The following SKP1 variants were observed in gnomAD, a reference collection of about 807,000 sequenced individuals.
SKP1 encodes S-phase kinase-associated protein 1.
In SKP1, 1 loss-of-function variant was observed where a neutral mutation model predicts 21.5. The ratio of observed to expected loss-of-function variants is 0.05; its 90% CI spans 0.02 to 0.22. The LOEUF (loss-of-function observed/expected upper bound fraction) is 0.22, where lower values mean the gene tolerates loss of function less well. Among genes scored for constraint, SKP1 ranks in the 10% least tolerant of loss-of-function variants. SKP1 has a pLI of 1.00. For synonymous variants in SKP1, 59 were observed against 59.3 expected (o/e 0.99, Z 0.03); for missense variants, 70 against 192.0 (o/e 0.36, Z 3.76).
rs762556466 is a variant in SKP1 at position 134,161,991 on chromosome 5, A to T, written c.172-861T>A. The T allele has an allele frequency of 1.1e-4, 17 of 152,136 alleles. 1 individual carries two copies. Among genetic ancestry groups the T allele is most frequent in the Admixed American group, 1.1e-3 (17 of 15,278 alleles). 9.4% of individuals were successfully genotyped at this position (152,136 alleles called of 1,614,324 possible). On this transcript the variant is annotated intron_variant, in intron 3 of 5. Coordinates refer to ENST00000353411, the MANE Select transcript of SKP1 (RefSeq NM_170679.3). ...TTCTGTATGGCTAAAACTTTTTCAT[A>T]GCAAAATGTTGGAGGAGTAAACAAT... is the stretch of plus-strand genomic sequence containing the variant.
chr5:134,160,809 T>C (rs987251036), intron 4 of SKP1, among the ~76,000 whole-genome samples, 178 bp downstream of exon 4: 1 of 152,232 alleles, frequency 6.6e-6, no homozygotes, highest in Non-Finnish European at 1.5e-5. Flanking sequence ...ATTTCTGCCT[T>C]TTAACTGTGT....
At chr5:134,157,900 AG>A (rs1761148371) in intron 5 of SKP1, 132 bp from the exon 6 acceptor site, 2 of 1,583,680 alleles carry the variant, frequency 1.3e-6, no homozygotes, top group Non-Finnish European at 1.7e-6. Flanking sequence ...GAACAACACC[AG>A]GTTAAGACTA....
chr5:134,169,328 C>T (rs375152612), intron 2 of SKP1, among the ~76,000 whole-genome samples: 5 of 152,192 alleles, frequency 3.3e-5, no homozygotes, highest in Admixed American at 1.3e-4. Context: ...ATGCCTATCC[C>T]TGATCCTATC....
rs1761139098 is a variant in SKP1, at chr5:134,157,421, G to A, written c.*312C>T. 1 of 238,258 alleles carries A rather than the reference G, an allele frequency of 4.2e-6. No individual in the cohort carries two copies. The highest frequency in any genetic ancestry group is 5.2e-5 in the Admixed American group (1 of 19,270). 14.8% of individuals were successfully genotyped at this position (238,258 alleles called of 1,614,324 possible). ...TTTTAAAAGGTCACTAAAGTTAACT[G>A]GACAATAAACTAGGCAGACATTGCT... On this transcript the variant is annotated 3_prime_UTR_variant, in exon 6 of 6. Transcript: ENST00000353411.
chr5:134,162,777 C>A (rs1761243674), intron 3 of SKP1, among the ~76,000 whole-genome samples: 1 of 150,792 alleles, frequency 6.6e-6, no homozygotes, highest in East Asian at 1.9e-4. Context: ...CTTATCCAGG[C>A]ATTTTTTAAA....
chr5:134,172,058 A>C (rs1305724850), intron 2 of SKP1, among the ~76,000 whole-genome samples: 1 of 152,208 alleles, frequency 6.6e-6, no homozygotes, highest in Non-Finnish European at 1.5e-5. Context: ...AAAATAAATA[A>C]ATAAAAGAAA....
At chr5:134,158,101 T>A (rs953918055) in intron 5 of SKP1, 6 of 1,409,602 alleles carry the variant, frequency 4.3e-6, no homozygotes, top group Middle Eastern at 1.9e-4. Context: ...CCTCCCCTCA[T>A]TAAGTTGCTC....
At position 134,149,685 on chromosome 5, in the gene SKP1, T is replaced by TA. The variant is rs1761012442; in HGVS notation, c.*8047_*8048insT. The TA allele has an allele frequency of 1.3e-5, 2 of 152,224 alleles. No individual in the cohort carries two copies. The highest frequency in any genetic ancestry group is 2.9e-5 in the Non-Finnish European group (2 of 68,046). 9.4% of individuals were successfully genotyped at this position (152,224 alleles called of 1,614,324 possible). On this transcript the variant is annotated 3_prime_UTR_variant, in exon 6 of 6. Transcript: ENST00000353411. ...TTTTAAAGAATTCTGTTCTGGCTAC[T>TA]GGCCTAGTTGTTTAAAAAACCTACA...
chr5:134,156,581 G>A lies in SKP1; in HGVS notation c.*1152C>T, dbSNP rs746296753. 1 of 151,382 alleles carries A rather than the reference G, an allele frequency of 6.6e-6. No homozygotes were observed. The highest frequency in any genetic ancestry group is 1.5e-5 in the Non-Finnish European group (1 of 67,808). 9.4% of individuals were successfully genotyped at this position (151,382 alleles called of 1,614,324 possible). Reference sequence around the variant, plus strand: ...CAAGGAGAAAAAAAGGGAGCACAAGGAAGAAAAAAAAATCAAAATTTGTGA... The same window carrying A: ...CAAGGAGAAAAAAAGGGAGCACAAGAAAGAAAAAAAAATCAAAATTTGTGA... On this transcript the variant is annotated 3_prime_UTR_variant, in exon 6 of 6. Coordinates refer to ENST00000353411, the MANE Select transcript of SKP1 (RefSeq NM_170679.3).
At chr5:134,158,065 A>G in intron 5 of SKP1, 1 of 1,450,232 alleles carries the variant, frequency 6.9e-7, no homozygotes, top group Non-Finnish European at 9.1e-7. Flanking sequence ...ATGTCAACAA[A>G]ATCATTCTGA....
chr5:134,149,890 C>A lies in SKP1; in HGVS notation c.*7843G>T, dbSNP rs1761018991. The A allele has an allele frequency of 6.6e-6, 1 of 151,728 alleles. No homozygotes were observed. Among genetic ancestry groups the A allele is most frequent in the African/African-American group, 2.4e-5 (1 of 41,256 alleles). The allele number at this position is 151,728 out of a possible 1,614,324, so 9.4% of individuals were successfully genotyped here. ...CTGACTTCATAAAGGAAACTCAGAT[C>A]CTCCCAAATCACCCTGGTGCATTCC... On this transcript the variant is annotated 3_prime_UTR_variant, in exon 6 of 6. Transcript: ENST00000353411.
chr5:134,161,226 G>C (rs1185419236), intron 3 of SKP1, 96 bp from the exon 4 acceptor site: 1 of 1,097,888 alleles, frequency 9.1e-7, no homozygotes, highest in Non-Finnish European at 1.3e-6. Context: ...ATAATAACTA[G>C]CTAGAGGTTG....
chr5:134,151,837 ATCAC>A lies in SKP1; in HGVS notation c.*5892_*5895del. On this transcript the variant is annotated 3_prime_UTR_variant, in exon 6 of 6. Coordinates refer to ENST00000353411, the MANE Select transcript of SKP1 (RefSeq NM_170679.3). ...TACATTATCAATGAATTAGCCATCT[ATCAC>A]TCAAACTATGTCCCGCATTGGAAGT... 1 of 350,810 alleles carries A rather than the reference ATCAC, an allele frequency of 2.9e-6. No homozygotes were observed. Among genetic ancestry groups the A allele is most frequent in the South Asian group, 2.1e-5 (1 of 47,880 alleles). 21.7% of individuals were successfully genotyped at this position (350,810 alleles called of 1,614,324 possible).
chr5:134,157,619 T>C lies in SKP1; in HGVS notation c.*114A>G, dbSNP rs565934423. 41 of 917,902 alleles carry C rather than the reference T, an allele frequency of 4.5e-5. No homozygotes were observed. The highest frequency in any genetic ancestry group is 1.1e-4 in the South Asian group (8 of 74,990). The allele number at this position is 917,902 out of a possible 1,614,324, so 56.9% of individuals were successfully genotyped here. On this transcript the variant is annotated 3_prime_UTR_variant, in exon 6 of 6. Transcript: ENST00000353411. ...TGAGGACAATATTCTGCTAATACAA[T>C]TGACTTGCTGCTGCATTTGTCTACT...
At position 134,155,755 on chromosome 5, in the gene SKP1, AC is replaced by A. The variant is rs1246970762; in HGVS notation, c.*1977del. 2.0e-5 allele frequency: 3 copies of A among 152,182 alleles called. No homozygotes were observed. The highest frequency in any genetic ancestry group is 7.2e-5 in the African/African-American group (3 of 41,438). The allele number at this position is 152,182 out of a possible 1,614,324, so 9.4% of individuals were successfully genotyped here. On this transcript the variant is annotated 3_prime_UTR_variant, in exon 6 of 6. Coordinates refer to ENST00000353411, the MANE Select transcript of SKP1 (RefSeq NM_170679.3). ...ACATGGCATATGGCAGTAATCCTGGACCTTCAGTGAAGATTTGTTTGTCATA... is the reference window on the plus strand; with the variant it reads ...ACATGGCATATGGCAGTAATCCTGGACTTCAGTGAAGATTTGTTTGTCATA...
At chr5:134,160,040 T>C (rs1423467539) in intron 4 of SKP1, among the ~76,000 whole-genome samples, 3 of 151,874 alleles carry the variant, frequency 2.0e-5, no homozygotes, top group East Asian at 3.9e-4. Flanking sequence ...TTGAAAAGAA[T>C]ATGTATTCTG....
intron 2 of SKP1, among the ~76,000 whole-genome samples, chr5:134,168,304 C>T (rs1369080036): frequency 6.6e-6 from 1 of 152,076 alleles, no homozygotes; most frequent in Non-Finnish European, 1.5e-5. Context: ...GTAATAAAAT[C>T]TCAATCTATT....
intron 3 of SKP1, among the ~76,000 whole-genome samples, chr5:134,166,905 A>AG (rs889457664): frequency 6.6e-6 from 1 of 152,198 alleles, no homozygotes; most frequent in Non-Finnish European, 1.5e-5. Flanking sequence ...CATCCTTCCT[A>AG]GGGAAGTGTT....
At chr5:134,174,234 G>A (rs1761496733) in intron 1 of SKP1, among the ~76,000 whole-genome samples, 1 of 152,148 alleles carries the variant, frequency 6.6e-6, no homozygotes, top group South Asian at 2.1e-4. Context: ...TAACTACTAG[G>A]AACAGAAGCT....
Sources: allele counts gnomAD v4.1 joint callset (sites outside exome capture counted in the v4.1 genomes callset), GRCh38; gene constraint gnomAD v4.1.1; transcripts MANE v1.5; gene names NCBI Gene and HGNC (gene_info 2026-07-23, HGNC 2026-07-21).